The following PEAK1 variants were observed in gnomAD, a reference collection of about 807,000 sequenced individuals.
PEAK1 encodes the protein inactive tyrosine-protein kinase PEAK1.
A neutral mutation model predicts 124.7 loss-of-function variants in PEAK1; 54 were observed. That is an observed-to-expected ratio of 0.43 (90% CI 0.35 to 0.54). The LOEUF is 0.54. Among genes scored for constraint, PEAK1 ranks in the 20% least tolerant of loss-of-function variants. PEAK1 has a pLI of 0.01. For synonymous variants in PEAK1, 719 were observed against 760.0 expected (o/e 0.95, Z 0.89); for missense variants, 2,046 against 2,134.5 (o/e 0.96, Z 0.82).
intron 2 of PEAK1, among the ~76,000 whole-genome samples, chr15:77,313,738 A>T (rs574733440): frequency 3.2e-4 from 46 of 143,724 alleles, no homozygotes; most frequent in East Asian, 2.2e-3. Context: ...ATATATATAT[A>T]TATTTATTTA....
At chr15:77,229,941 C>T (rs1041675375) in intron 6 of PEAK1, among the ~76,000 whole-genome samples, 11 of 152,246 alleles carry the variant, frequency 7.2e-5, no homozygotes, top group African/African-American at 2.6e-4. Flanking sequence ...GCCACGACAC[C>T]TGGATTTCTT....
chr15:77,396,557 C>A (rs568128944), intron 1 of PEAK1, among the ~76,000 whole-genome samples: 41 of 152,110 alleles, frequency 2.7e-4, no homozygotes, highest in African/African-American at 9.6e-4. Context: ...TATAAAGACA[C>A]ACATACTGAA....
intron 8 of PEAK1, among the ~76,000 whole-genome samples, chr15:77,138,705 T>G (rs905390807): frequency 1.3e-5 from 2 of 151,940 alleles, no homozygotes; most frequent in African/African-American, 4.8e-5. Flanking sequence ...GTACTAAAAA[T>G]ACAAAAATTA....
chr15:77,348,902 A>C, intron 2 of PEAK1: 11 of 948,592 alleles, frequency 1.2e-5, no homozygotes, highest in Non-Finnish European at 1.4e-5. Flanking sequence ...TTGGCCTCGC[A>C]AAGTGCTGGG....
At chr15:77,250,144 G>GAT (rs776118493) in intron 6 of PEAK1, among the ~76,000 whole-genome samples, 31 of 121,176 alleles carry the variant, frequency 2.6e-4, no homozygotes, top group East Asian at 4.5e-4. Context: ...TCACTGTTAA[G>GAT]ATATATATAT....
chr15:77,190,332 T>G (rs577141279), intron 6 of PEAK1, among the ~76,000 whole-genome samples: 1 of 152,224 alleles, frequency 6.6e-6, no homozygotes, highest in Non-Finnish European at 1.5e-5. Context: ...TCTTTCCTAG[T>G]GCAGATATTT....
intron 6 of PEAK1, among the ~76,000 whole-genome samples, chr15:77,182,931 A>G (rs1373282980): frequency 4.6e-5 from 7 of 152,072 alleles, no homozygotes; most frequent in Non-Finnish European, 8.8e-5. Context: ...ACCAAAACCC[A>G]TGAAATTCTT....
intron 1 of PEAK1, among the ~76,000 whole-genome samples, chr15:77,368,279 G>A (rs2068393980): frequency 6.6e-6 from 1 of 152,102 alleles, no homozygotes; most frequent in Non-Finnish European, 1.5e-5. Flanking sequence ...AATTTACGAG[G>A]CCAAGGCGGG....
At chr15:77,350,916 T>C in intron 2 of PEAK1, 1 of 985,442 alleles carries the variant, frequency 1.0e-6, no homozygotes. Flanking sequence ...CATGGCCCTC[T>C]ATTTAGAGCA....
chr15:77,361,902 A>G (rs75959694), intron 2 of PEAK1, among the ~76,000 whole-genome samples: 1 of 148,038 alleles, frequency 6.8e-6, no homozygotes, highest in Non-Finnish European at 1.5e-5. Flanking sequence ...AGTCATGAAG[A>G]AAAAAAAAAA....
At chr15:77,203,235 G>A (rs1398570228) in intron 6 of PEAK1, among the ~76,000 whole-genome samples, 1 of 151,800 alleles carries the variant, frequency 6.6e-6, no homozygotes, top group African/African-American at 2.4e-5. Flanking sequence ...AAGAGAGGCA[G>A]GCACTCACAG....
chr15:77,241,740 A>T (rs905611269), intron 6 of PEAK1, among the ~76,000 whole-genome samples: 2 of 152,032 alleles, frequency 1.3e-5, no homozygotes, highest in South Asian at 2.1e-4. Context: ...TAAAAAAAAA[A>T]TTTAAATAAA....
chr15:77,349,803 CA>C, intron 2 of PEAK1: 1 of 985,222 alleles, frequency 1.0e-6, no homozygotes, highest in Non-Finnish European at 1.2e-6. Context: ...CATTGTTTTG[CA>C]GCTGAGGGGA....
intron 2 of PEAK1, among the ~76,000 whole-genome samples, chr15:77,331,923 T>C (rs535830692): frequency 6.3e-4 from 96 of 151,778 alleles, no homozygotes; most frequent in Middle Eastern, 3.4e-3. Flanking sequence ...GCACTCTGAA[T>C]GCTTTTAATA....
At chr15:77,137,449 C>T (rs945380566) in intron 8 of PEAK1, among the ~76,000 whole-genome samples, 1 of 152,178 alleles carries the variant, frequency 6.6e-6, no homozygotes, top group Non-Finnish European at 1.5e-5. Context: ...ATGGAGCTGC[C>T]CAAGGCCATG....
At chr15:77,235,518 C>T (rs571256781) in intron 6 of PEAK1, among the ~76,000 whole-genome samples, 1 of 152,058 alleles carries the variant, frequency 6.6e-6, no homozygotes, top group Non-Finnish European at 1.5e-5. Context: ...GGGTATCTGG[C>T]AGAAGAAATT....
At chr15:77,215,724 G>A (rs1051359857) in intron 6 of PEAK1, among the ~76,000 whole-genome samples, 2 of 152,122 alleles carry the variant, frequency 1.3e-5, no homozygotes, top group Non-Finnish European at 2.9e-5. Flanking sequence ...CTTTTAGTTT[G>A]TGCTTTTGAT....
rs1415429076 is a variant in PEAK1, at chr15:77,108,394, G to A, written c.*5762C>T. 6.6e-6 allele frequency: 1 copy of A among 152,130 alleles called. No homozygotes were observed. The highest frequency in any genetic ancestry group is 1.9e-4 in the East Asian group (1 of 5,192). 9.4% of individuals were successfully genotyped at this position (152,130 alleles called of 1,614,324 possible). On this transcript the variant is annotated 3_prime_UTR_variant, in exon 10 of 10. Coordinates refer to ENST00000682557, the MANE Select transcript of PEAK1 (RefSeq NM_001385026.1). ...GGCCAGAGAGAATTAAAGAGAGATT[G>A]GAATGAGGACTGTCATGATTCAAAT... is the stretch of plus-strand genomic sequence containing the variant.
At chr15:77,248,413 C>T (rs766479228) in intron 6 of PEAK1, among the ~76,000 whole-genome samples, 1 of 152,172 alleles carries the variant, frequency 6.6e-6, no homozygotes, top group South Asian at 2.1e-4. Flanking sequence ...ATATTTGTGT[C>T]CTCCTCAAAA....
Sources: gnomAD v4.1 joint callset for allele counts (sites outside exome capture counted in the v4.1 genomes callset) on GRCh38, gnomAD v4.1.1 for gene constraint, MANE v1.5 for transcripts, NCBI Gene and HGNC (gene_info 2026-07-23, HGNC 2026-07-21) for gene names.